Variants in APTX observed in about 807,000 individuals in gnomAD.
APTX encodes the protein forkhead-associated domain histidine triad-like protein.
In APTX, 33 loss-of-function variants were observed where a neutral mutation model predicts 42.3. That is an observed-to-expected ratio of 0.78 (90% CI 0.59 to 1.04). The LOEUF (loss-of-function observed/expected upper bound fraction) is 1.04. Ranked by LOEUF, APTX falls within the 50% of genes least tolerant of loss-of-function variation. The probability of loss-of-function intolerance (pLI) is 0.00; values close to 1 mark genes in which losing one functional copy is unlikely to be tolerated. For synonymous variants in APTX, 130 were observed against 146.7 expected, an observed-to-expected ratio of 0.89 and a Z score of 0.82; for missense variants, 421 against 415.1, an observed-to-expected ratio of 1.01 and a Z score of -0.12.
At chr9:33,011,793 G>T (rs1837562409) in intron 1 of APTX, among the ~76,000 whole-genome samples, 1 of 152,152 alleles carries the variant, frequency 6.6e-6, no homozygotes, top group African/African-American at 2.4e-5. Flanking sequence ...AGTCTACTGA[G>T]GACAGCTGCA....
chr9:33,000,328 T>C (rs971462723), intron 1 of APTX, among the ~76,000 whole-genome samples: 1 of 152,012 alleles, frequency 6.6e-6, no homozygotes, highest in East Asian at 1.9e-4. Flanking sequence ...AAAAGATCAT[T>C]TGAAAGCAAT....
chr9:33,024,876 GGC>G (rs1564009642), intron 1 of APTX: 2 of 78,238 alleles, frequency 2.6e-5, no homozygotes, highest in African/African-American at 4.8e-5. Context: ...GGGGGGGGGG[GGC>G]AAGACTGTTC....
At chr9:33,004,391 C>G (rs1836972460), upstream of APTX, among the ~76,000 whole-genome samples, 1 of 152,150 alleles carries the variant, frequency 6.6e-6, no homozygotes, top group Non-Finnish European at 1.5e-5. Context: ...ATCCATGAAA[C>G]CAAAAACCAT....
intron 6 of APTX, 36 bp from the exon 7 acceptor site, chr9:32,974,597 T>G: frequency 8.8e-7 from 1 of 1,141,006 alleles, no homozygotes; most frequent in South Asian, 1.2e-5. Context: ...CATTAAACTC[T>G]TTAACAACTA....
chr9:32,987,394 C>T lies in APTX; in HGVS notation c.483+150G>A. 9.7e-6 allele frequency: 11 copies of T among 1,129,048 alleles called. No homozygotes were observed. The South Asian group carries it at 1.5e-4, about 15-fold the overall frequency. The allele number at this position is 1,129,048 out of a possible 1,614,324, so 69.9% of individuals were successfully genotyped here. ...AAAAAGCACATAAAGGAACATTCAT[C>T]CAAATGATTTTCACGCCACAAACAA... On this transcript the variant is annotated intron_variant, in intron 4 of 7. Transcript: ENST00000379817.
At position 32,984,622 on chromosome 9, in the gene APTX, C is replaced by T. The variant is rs1587434917; in HGVS notation, c.770+9G>A. The T allele has an allele frequency of 6.2e-7, 1 of 1,613,980 alleles. No homozygotes were observed. ...ACCAGGAGCCAGCAGCACTACCCAC[C>T]TGGCTTACCTCATACTCGGAATGGC... On this transcript the variant is annotated intron_variant, in intron 6 of 7. Coordinates refer to ENST00000379817, the MANE Select transcript of APTX (RefSeq NM_001195248.2).
intron 1 of APTX, 186 bp downstream of exon 1, chr9:33,001,381 C>A (rs1230302928): frequency 6.5e-7 from 1 of 1,531,424 alleles, no homozygotes; most frequent in Admixed American, 2.0e-5. Flanking sequence ...CGAAGACCAA[C>A]GCGAGCGCCC....
At chr9:33,014,493 G>C (rs1302062911) in intron 1 of APTX, among the ~76,000 whole-genome samples, 8 of 135,086 alleles carry the variant, frequency 5.9e-5, no homozygotes, top group African/African-American at 2.0e-4. Context: ...GGAGCAGCAG[G>C]ACATCCTTAA....
At chr9:33,001,366 T>C (rs1277331177) in intron 1 of APTX, 1 of 1,529,916 alleles carries the variant, frequency 6.5e-7, no homozygotes, top group Non-Finnish European at 8.7e-7. Context: ...AAACGCAAAG[T>C]GGGTCGAAGA....
Position 33,014,506 on chromosome 9 carries a change from A to G in APTX, c.-5+10517T>C, listed in dbSNP as rs530940854. Among the ~76,000 whole-genome samples, 10 of 152,306 alleles carry G rather than the reference A, an allele frequency of 6.6e-5. No individual in the cohort carries two copies. The East Asian group carries it at 7.7e-4, about 12-fold the overall frequency. On this transcript the variant is annotated intron_variant, in intron 1 of 6. Coordinates refer to the APTX transcript ENST00000436040. ...GGGGAGCAGCAGGACATCCTTAACAAAAGGATGCATAGCTGGGGAGCAGCA... is the reference window on the plus strand; with the variant it reads ...GGGGAGCAGCAGGACATCCTTAACAGAAGGATGCATAGCTGGGGAGCAGCA...
At chr9:33,001,239 C>A (rs1259742541) in intron 1 of APTX, 2 of 1,313,102 alleles carry the variant, frequency 1.5e-6, no homozygotes, top group African/African-American at 3.0e-5. Context: ...CTGGCGGAAA[C>A]GCTGCCCTTC....
At chr9:32,987,379 T>C (rs144491727) in intron 4 of APTX, among the ~76,000 whole-genome samples, 165 bp downstream of exon 4, 41 of 152,320 alleles carry the variant, frequency 2.7e-4, no homozygotes, top group African/African-American at 9.9e-4. Context: ...AAAAAGCACA[T>C]AAAGGAACAT....
At position 32,986,045 on chromosome 9, in the gene APTX, A is replaced by AC. The variant is rs780083271; in HGVS notation, c.484-16_484-15insG. On this transcript the variant is annotated splice_polypyrimidine_tract_variant and intron_variant, in intron 4 of 7. Transcript: ENST00000379817. ...CCCAGGGATTCCTAAAAAAAAAACA[A>AC]AAAAAAAAACAAAAAAAAAAAAAAA... 321 of 673,152 alleles carry AC rather than the reference A, an allele frequency of 4.8e-4. 5 individuals are homozygous for AC. Among genetic ancestry groups the AC allele is most frequent in the Non-Finnish European group, 6.2e-4 (286 of 462,018 alleles). 41.7% of individuals were successfully genotyped at this position (673,152 alleles called of 1,614,324 possible).
upstream of APTX, among the ~76,000 whole-genome samples, chr9:33,004,630 CTTT>C (rs3065216): frequency 0.17 from 21,660 of 124,662 alleles, 1,392 homozygotes; most frequent in Middle Eastern, 0.25. Context: ...CTTGCCAACC[CTTT>C]TTTTTTTTTT....
In APTX at chr9:32,988,143, G is replaced by C. The variant is rs771709792; in HGVS notation, c.134-14C>G. 1.2e-6 allele frequency: 2 copies of C among 1,613,630 alleles called. No homozygotes were observed. Among genetic ancestry groups the C allele is most frequent in the Non-Finnish European group, 1.7e-6 (2 of 1,179,562 alleles). Reference sequence around the variant, plus strand: ...CTTTCAACTGTACTGAAAGAGATTGGAAAAAGTTAAACACAAATGCAACAA... The same window carrying C: ...CTTTCAACTGTACTGAAAGAGATTGCAAAAAGTTAAACACAAATGCAACAA... On this transcript the variant is annotated splice_polypyrimidine_tract_variant and intron_variant, in intron 2 of 7. Coordinates refer to ENST00000379817, the MANE Select transcript of APTX (RefSeq NM_001195248.2).
At chr9:33,003,537 CAGA>C (rs1399978489), upstream of APTX, among the ~76,000 whole-genome samples, 3 of 152,146 alleles carry the variant, frequency 2.0e-5, no homozygotes, top group South Asian at 2.1e-4. Context: ...GAGGCTGAAG[CAGA>C]AGAATTGCTT....
At chr9:33,001,761 C>G (rs565954205), upstream of APTX, 14 of 922,218 alleles carry the variant, frequency 1.5e-5, no homozygotes, top group South Asian at 2.1e-4. Context: ...CTCTCTGGGC[C>G]GTGGTCCAAC....
intron 1 of APTX, among the ~76,000 whole-genome samples, chr9:33,009,290 T>G (rs192802325): frequency 6.6e-6 from 1 of 152,196 alleles, no homozygotes; most frequent in African/African-American, 2.4e-5. Context: ...GGCACAGGAA[T>G]GCCTTCTAAC....
intron 1 of APTX, chr9:33,024,925 T>A (rs925161159): frequency 7.4e-6 from 1 of 135,926 alleles, no homozygotes; most frequent in Non-Finnish European, 1.5e-5. Flanking sequence ...TCCCGCTGGG[T>A]CACTGTACTC....
Sources: gnomAD v4.1 joint callset for allele counts (sites outside exome capture counted in the v4.1 genomes callset) on GRCh38, gnomAD v4.1.1 for gene constraint, MANE v1.5 for transcripts, NCBI Gene and HGNC (gene_info 2026-07-23, HGNC 2026-07-21) for gene names.